The following PDE10A variants were observed in gnomAD, a reference collection of about 807,000 sequenced individuals.
The protein encoded by PDE10A is phosphodiesterase 10A.
Under a neutral mutation model 97.7 loss-of-function variants are expected in PDE10A, and 39 were observed. The ratio of observed to expected loss-of-function variants is 0.40; its 90% CI spans 0.31 to 0.52. The LOEUF is 0.52. Ranked by LOEUF, PDE10A falls within the 20% of genes least tolerant of loss-of-function variation. PDE10A has a pLI of 0.56. For missense variants in PDE10A, 731 were observed against 1,047.8 expected (o/e 0.70, Z 4.17); for synonymous variants, 371 against 376.8 (o/e 0.98, Z 0.18).
intron 1 of PDE10A, among the ~76,000 whole-genome samples, chr6:165,766,868 C>T (rs1462071365): frequency 6.6e-6 from 1 of 152,194 alleles, no homozygotes; most frequent in African/African-American, 2.4e-5. Context: ...GCAAGAAAAT[C>T]CTAGGTGGCA....
intron 18 of PDE10A, among the ~76,000 whole-genome samples, chr6:165,363,071 AAC>A (rs1783530044): frequency 6.6e-6 from 1 of 152,228 alleles, no homozygotes; most frequent in Non-Finnish European, 1.5e-5. Context: ...AAACTTCCTC[AAC>A]CTGATAAAGT....
Position 165,695,048 on chromosome 6 carries a change from C to G in PDE10A, c.-614-151480G>C, listed in dbSNP as rs1791408028. 1.3e-5 allele frequency among the ~76,000 whole-genome samples: 2 copies of G among 151,966 alleles called. 1 individual carries two copies. The highest frequency in any genetic ancestry group is 4.2e-4 in the South Asian group (2 of 4,814). ...AGCCACATTTCTCTAACACATTTCCCCCGGAAGTAAACAATTTTCTATATA... is the reference window on the plus strand; with the variant it reads ...AGCCACATTTCTCTAACACATTTCCGCCGGAAGTAAACAATTTTCTATATA... On this transcript the variant is annotated intron_variant, in intron 1 of 19. Transcript: ENST00000366882.
intron 1 of PDE10A, among the ~76,000 whole-genome samples, chr6:165,817,725 C>T (rs1411338252): frequency 6.6e-6 from 1 of 152,126 alleles, no homozygotes; most frequent in Non-Finnish European, 1.5e-5. Flanking sequence ...AATAGGACAA[C>T]TGGGTTGTAG....
At chr6:165,583,410 A>G (rs759182433) in intron 1 of PDE10A, among the ~76,000 whole-genome samples, 5 of 152,224 alleles carry the variant, frequency 3.3e-5, no homozygotes, top group African/African-American at 1.2e-4. Flanking sequence ...CCCACATCCA[A>G]TCCCTGGAAC....
intron 20 of PDE10A, among the ~76,000 whole-genome samples, chr6:165,337,645 T>G (rs1385527493): frequency 3.3e-5 from 5 of 152,232 alleles, no homozygotes; most frequent in Admixed American, 1.3e-4. Flanking sequence ...GCAATATGGT[T>G]GGTAAAATAT....
intron 17 of PDE10A, among the ~76,000 whole-genome samples, chr6:165,381,179 G>A (rs1403601855): frequency 6.6e-6 from 1 of 152,128 alleles, no homozygotes; most frequent in East Asian, 1.9e-4. Flanking sequence ...AATTCTGTAG[G>A]GGGACAAAAG....
chr6:165,361,350 A>C (rs977639381), intron 18 of PDE10A, among the ~76,000 whole-genome samples: 2 of 152,204 alleles, frequency 1.3e-5, no homozygotes, highest in Non-Finnish European at 2.9e-5. Context: ...AATAATATAA[A>C]GTATGTTCTT....
At chr6:165,860,263 G>A (rs1331458393) in intron 1 of PDE10A, among the ~76,000 whole-genome samples, 2 of 152,176 alleles carry the variant, frequency 1.3e-5, no homozygotes, top group African/African-American at 2.4e-5. Flanking sequence ...AGATCAGCCT[G>A]ACCAACATGG....
chr6:165,822,738 G>A (rs1433263163), intron 1 of PDE10A, among the ~76,000 whole-genome samples: 1 of 152,142 alleles, frequency 6.6e-6, no homozygotes, highest in Non-Finnish European at 1.5e-5. Context: ...GCACTACTGT[G>A]CACTTTATCA....
intron 1 of PDE10A, among the ~76,000 whole-genome samples, chr6:165,733,584 T>C (rs1343361818): frequency 1.3e-4 from 20 of 152,244 alleles, no homozygotes; most frequent in Admixed American, 1.3e-3. Context: ...CATTAGCACG[T>C]TATTATTCTC....
chr6:165,541,992 T>G (rs1783466908), intron 2 of PDE10A, among the ~76,000 whole-genome samples: 1 of 152,200 alleles, frequency 6.6e-6, no homozygotes, highest in Non-Finnish European at 1.5e-5. Flanking sequence ...TTACCTATAC[T>G]TCTAACACCA....
intron 1 of PDE10A, among the ~76,000 whole-genome samples, chr6:165,898,056 C>T (rs992801425): frequency 2.6e-5 from 4 of 151,428 alleles, no homozygotes; most frequent in Non-Finnish European, 5.9e-5. Context: ...GCAAGGGCTC[C>T]CCTCTGTCTC....
intron 13 of PDE10A, among the ~76,000 whole-genome samples, chr6:165,397,933 GT>G (rs1311026312): frequency 6.6e-6 from 1 of 151,896 alleles, no homozygotes; most frequent in Non-Finnish European, 1.5e-5. Flanking sequence ...CTGTGTTCAT[GT>G]ATTATTTACA....
intron 1 of PDE10A, among the ~76,000 whole-genome samples, chr6:165,985,695 C>G (rs180804758): frequency 6.6e-6 from 1 of 151,754 alleles, no homozygotes; most frequent in African/African-American, 2.4e-5. Context: ...CCTCTGGACA[C>G]AGGTGTCCTG....
At chr6:165,378,416 GA>G (rs1184039932) in intron 18 of PDE10A, among the ~76,000 whole-genome samples, 2 of 152,132 alleles carry the variant, frequency 1.3e-5, no homozygotes, top group East Asian at 3.9e-4. Context: ...ATGCAAACAG[GA>G]ACAGGAAAGC....
chr6:165,565,784 A>G (rs908591077), intron 1 of PDE10A, among the ~76,000 whole-genome samples: 3 of 152,202 alleles, frequency 2.0e-5, no homozygotes, highest in African/African-American at 7.2e-5. Flanking sequence ...CCAAATAAAT[A>G]TATAAAACTG....
At chr6:165,412,180 G>T (rs1352490830) in intron 13 of PDE10A, among the ~76,000 whole-genome samples, 1 of 151,894 alleles carries the variant, frequency 6.6e-6, no homozygotes, top group African/African-American at 2.4e-5. Flanking sequence ...CTTATAAATA[G>T]AAATTATCTT....
intron 1 of PDE10A, among the ~76,000 whole-genome samples, chr6:165,609,399 T>C (rs1787383566): frequency 6.6e-6 from 1 of 152,166 alleles, no homozygotes; most frequent in African/African-American, 2.4e-5. Flanking sequence ...ACAGCCAATA[T>C]CATACTGAAT....
At chr6:165,872,196 TG>T (rs1386008764) in intron 1 of PDE10A, among the ~76,000 whole-genome samples, 4 of 152,232 alleles carry the variant, frequency 2.6e-5, no homozygotes, top group African/African-American at 4.8e-5. Context: ...TTACTGTATT[TG>T]TAACATGCAC....
Sources: gnomAD v4.1 joint callset for allele counts (sites outside exome capture counted in the v4.1 genomes callset) on GRCh38, gnomAD v4.1.1 for gene constraint, MANE v1.5 for transcripts, NCBI Gene and HGNC (gene_info 2026-07-23, HGNC 2026-07-21) for gene names.